Variants in TSHZ2 observed in about 807,000 individuals in gnomAD.
TSHZ2 encodes teashirt zinc finger homeobox 2, also known as teashirt homolog 2.
TSHZ2 carries 21 observed loss-of-function variants against 74.4 expected under a neutral mutation model. That is an observed-to-expected ratio of 0.28 (90% CI 0.20 to 0.41). The LOEUF is 0.41. TSHZ2 is among the 10% of genes least tolerant of loss of function. The pLI is 1.00. For synonymous variants in TSHZ2, 540 were observed against 515.3 expected (o/e 1.05, Z -0.65); for missense variants, 1,244 against 1,293.5 (o/e 0.96, Z 0.59).
intron 1 of TSHZ2, among the ~76,000 whole-genome samples, chr20:53,192,735 C>CAG (rs1988768234): frequency 6.6e-6 from 1 of 152,190 alleles, no homozygotes; most frequent in African/African-American, 2.4e-5. Context: ...TCTGGCTTCT[C>CAG]ATTGGCAATG....
intron 1 of TSHZ2, among the ~76,000 whole-genome samples, chr20:53,061,149 C>T (rs1984808859): frequency 6.6e-6 from 1 of 152,162 alleles, no homozygotes; most frequent in South Asian, 2.1e-4. Flanking sequence ...CTGAATGCAA[C>T]CCTGAACGTT....
chr20:53,106,505 C>T lies in TSHZ2; in HGVS notation c.40+133172C>T, dbSNP rs576605390. ...CTTCAAGCTCCACCTCCCAGGTTCACGCCATTCTCCTGCCTCAGCCTCCTG... is the reference window on the plus strand; with the variant it reads ...CTTCAAGCTCCACCTCCCAGGTTCATGCCATTCTCCTGCCTCAGCCTCCTG... On this transcript the variant is annotated intron_variant, in intron 1 of 2. Transcript: ENST00000371497. Among the ~76,000 whole-genome samples, 3 of 137,416 alleles carry T rather than the reference C, an allele frequency of 2.2e-5. No individual in the cohort carries two copies. In the East Asian group the frequency reaches 7.2e-4, roughly 33 times the overall value. The allele number at this position is 137,416 out of a possible 152,430, so 90.2% of individuals were successfully genotyped here.
At chr20:53,324,981 C>T (rs535999756) in intron 2 of TSHZ2, among the ~76,000 whole-genome samples, 2 of 152,244 alleles carry the variant, frequency 1.3e-5, no homozygotes, top group South Asian at 2.1e-4. Context: ...GTCTAGCCAC[C>T]GCCAAATGCA....
At chr20:53,087,121 C>T (rs1177006812) in intron 1 of TSHZ2, among the ~76,000 whole-genome samples, 1 of 152,176 alleles carries the variant, frequency 6.6e-6, no homozygotes, top group African/African-American at 2.4e-5. Flanking sequence ...CAGATTCTCA[C>T]ATGGCTAGAC....
At chr20:53,329,711 G>A (rs1369179410) in intron 2 of TSHZ2, among the ~76,000 whole-genome samples, 2 of 152,112 alleles carry the variant, frequency 1.3e-5, no homozygotes, top group South Asian at 2.1e-4. Context: ...AGATATTCTA[G>A]GTAGTTTTCC....
intron 1 of TSHZ2, among the ~76,000 whole-genome samples, chr20:53,140,127 TTACTG>T (rs1324515777): frequency 2.0e-5 from 3 of 152,086 alleles, no homozygotes; most frequent in African/African-American, 4.8e-5. Flanking sequence ...CATAAAAAGT[TTACTG>T]TAGTGGGGAG....
intron 2 of TSHZ2, among the ~76,000 whole-genome samples, chr20:53,470,496 T>A (rs1331118576): frequency 2.0e-5 from 3 of 151,756 alleles, no homozygotes; most frequent in African/African-American, 7.3e-5. Context: ...ATTGCTCCTT[T>A]GCTTCCTTGT....
chr20:53,179,893 T>C (rs984933860), intron 1 of TSHZ2, among the ~76,000 whole-genome samples: 1 of 152,208 alleles, frequency 6.6e-6, no homozygotes. Context: ...TTTACGTGCT[T>C]ATTTACTCTG....
chr20:53,218,715 A>G (rs189730413), intron 1 of TSHZ2, among the ~76,000 whole-genome samples: 2 of 152,352 alleles, frequency 1.3e-5, no homozygotes, highest in Admixed American at 6.5e-5. Flanking sequence ...AAAGAAAATG[A>G]GTTGTCTCCT....
intron 2 of TSHZ2, among the ~76,000 whole-genome samples, chr20:53,293,700 C>CAAAAAAAAAAAA (rs11476117): frequency 8.3e-6 from 1 of 120,268 alleles, no homozygotes; most frequent in East Asian, 2.5e-4. Context: ...AACTGGCTCT[C>CAAAAAAAAAAAA]AAAAAAAAAA....
At chr20:52,990,818 C>T (rs755734679) in intron 1 of TSHZ2, among the ~76,000 whole-genome samples, 4 of 152,100 alleles carry the variant, frequency 2.6e-5, no homozygotes, top group Admixed American at 2.0e-4. Flanking sequence ...CCATGTGGTA[C>T]AATATGCTTT....
rs776746982 is a variant in TSHZ2 at position 53,255,922 on chromosome 20, G to A, written c.2464G>A (p.Glu822Lys). 1.4e-5 allele frequency: 22 copies of A among 1,614,034 alleles called. No individual in the cohort carries two copies. In the South Asian group the frequency reaches 2.3e-4, roughly 17 times the overall value. ...SSSRVPPMKL[E>K]MDVRRFEDVS... The stretch of plus-strand genomic sequence containing the variant: ...CTCCAGGGTCCCCCCCATGAAGCTG[G>A]AAATGGATGTCAGGCGCTTTGAGGA... The change falls in exon 2 of 3, where the codon GAA becomes AAA. Residue 822 changes from glutamate to lysine, a missense_variant. Physicochemically the swap from Glu to Lys is moderately conservative, Grantham distance 56. Transcript: ENST00000371497. This position sits in a 1 kb window ranked among gnomAD's most constrained non-coding sequence, Gnocchi z 4.1.
At chr20:53,359,253 AACT>A (rs1282629712) in intron 2 of TSHZ2, among the ~76,000 whole-genome samples, 2 of 152,178 alleles carry the variant, frequency 1.3e-5, no homozygotes, top group Non-Finnish European at 2.9e-5. Context: ...AAAGGGTGAA[AACT>A]GTCTAGGGTC....
rs533967569 is a variant in TSHZ2 at position 53,276,387 on chromosome 20, G to A, written c.*8+19816G>A. On this transcript the variant is annotated intron_variant, in intron 2 of 2. Transcript: ENST00000371497. The stretch of plus-strand genomic sequence containing the variant: ...TGTGTCTGCCAGCCAACTGGAATGC[G>A]AACAGGGCACTCTGCCTGGGAATAT... Among the ~76,000 whole-genome samples the A allele has an allele frequency of 3.2e-4, 48 of 152,210 alleles. No homozygotes were observed. In the South Asian group the frequency reaches 9.3e-3, roughly 30 times the overall value.
At chr20:53,278,429 C>T (rs981898462) in intron 2 of TSHZ2, among the ~76,000 whole-genome samples, 15 of 152,176 alleles carry the variant, frequency 9.9e-5, no homozygotes, top group African/African-American at 3.4e-4. Flanking sequence ...ATGCTTTTCC[C>T]ATGTCACTTC....
intron 2 of TSHZ2, among the ~76,000 whole-genome samples, chr20:53,469,551 A>G (rs1328878869): frequency 1.8e-5 from 2 of 112,340 alleles, no homozygotes; most frequent in Non-Finnish European, 3.6e-5. Context: ...AAAAGAAAGA[A>G]GGAGGGAAGG....
At chr20:53,210,688 T>G (rs1447689908) in intron 1 of TSHZ2, among the ~76,000 whole-genome samples, 2 of 152,050 alleles carry the variant, frequency 1.3e-5, no homozygotes, top group African/African-American at 2.4e-5. Flanking sequence ...GAAATGCCTG[T>G]TCCCACTTAA....
At chr20:53,460,548 C>G (rs941612565) in intron 2 of TSHZ2, among the ~76,000 whole-genome samples, 554 of 152,346 alleles carry the variant, frequency 3.6e-3, no homozygotes, top group African/African-American at 9.7e-3. Context: ...TCTCTCAGCT[C>G]ATCAAAGTCA....
chr20:53,069,919 C>T (rs1478104641), intron 1 of TSHZ2, among the ~76,000 whole-genome samples: 1 of 152,178 alleles, frequency 6.6e-6, no homozygotes, highest in East Asian at 1.9e-4. Context: ...AAGAGGACCA[C>T]TTAGGGTCCC....
Sources: gnomAD v4.1 joint callset for allele counts (sites outside exome capture counted in the v4.1 genomes callset) on GRCh38, gnomAD v4.1.1 for gene constraint, Gnocchi (gnomAD v3.1) non-coding constraint, MANE v1.5 for transcripts, NCBI Gene and HGNC (gene_info 2026-07-23, HGNC 2026-07-21) for gene names.